SLC14A1: variants seen among roughly 807,000 people sequenced by gnomAD.
SLC14A1 encodes the protein solute carrier family 14 member 1 (Kidd blood group), also known as urea transporter 1.
Under a neutral mutation model 39.6 loss-of-function variants are expected in SLC14A1, and 36 were observed. The ratio of observed to expected loss-of-function variants is 0.91; its 90% confidence interval spans 0.70 to 1.20. The LOEUF is 1.20. SLC14A1 is among the 50% of genes most tolerant of loss of function. The pLI, the probability that SLC14A1 is intolerant of heterozygous loss-of-function variation, is 0.00. For missense variants in SLC14A1, 469 were observed against 478.7 expected (o/e 0.98, Z 0.19); for synonymous variants, 164 against 173.6 (o/e 0.94, Z 0.43).
rs1383698955 is a variant in SLC14A1, at chr18:45,733,733, C to T, written c.342-541C>T. ...AGGGAGTCATTCTCTATCAGGGGTC[C>T]CCAACCCCTGCACTGGAGACAGGTA... On this transcript the variant is annotated intron_variant, in intron 4 of 9. Transcript: ENST00000321925. Among the ~76,000 whole-genome samples, 3 of 152,252 alleles carry T rather than the reference C, an allele frequency of 2.0e-5. No homozygotes were observed. In the Middle Eastern group the frequency reaches 0.01, roughly 518 times the overall value.
At position 45,730,425 on chromosome 18, in the gene SLC14A1, T is replaced by G; in HGVS notation, c.105T>G (p.Leu35=). The G allele has an allele frequency of 6.2e-7, 1 of 1,614,198 alleles. No homozygotes were observed. ...GGAGAAGGTGCTTCCCCAAAGCTCTTGGCTATGTCACCGGTGACATGAAAG... is the reference window on the plus strand; with the variant it reads ...GGAGAAGGTGCTTCCCCAAAGCTCTGGGCTATGTCACCGGTGACATGAAAG... ...CQGRRCFPKA[L]GYVTGDMKEL... The change falls in exon 3 of 10, where the codon CTT becomes CTG. Residue 35 remains leucine, a synonymous_variant. Transcript: ENST00000321925.
At chr18:45,738,528 GAC>G (rs1788385799) in intron 6 of SLC14A1, among the ~76,000 whole-genome samples, 1 of 152,198 alleles carries the variant, frequency 6.6e-6, no homozygotes, top group Non-Finnish European at 1.5e-5. Flanking sequence ...AGACCTGCTT[GAC>G]AGTTGTTCAT....
At chr18:45,733,501 A>C (rs2047091242) in intron 4 of SLC14A1, among the ~76,000 whole-genome samples, 1 of 152,256 alleles carries the variant, frequency 6.6e-6, no homozygotes, top group Non-Finnish European at 1.5e-5. Flanking sequence ...AAGTGAATTT[A>C]CATTTCAGGA....
chr18:45,739,587 T>C lies in SLC14A1; in HGVS notation c.871T>C (p.Ser291Pro), dbSNP rs78242949. 1,322 of 1,614,138 alleles carry C rather than the reference T, an allele frequency of 8.2e-4. 14 individuals are homozygous for C. The highest frequency in any genetic ancestry group is 2.3e-5 in the Non-Finnish European group (27 of 1,180,022). ...CTTTGGACTCTGGGGTTTCAACAGC[T>C]CTCTGGCCTGCATTGCAATGGGAGG... The part of the protein sequence containing the change: ...IYFGLWGFNS[S>P]LACIAMGGMF... The change falls in exon 8 of 10, where the codon TCT becomes CCT. Residue 291 changes from serine to proline, a missense_variant. By Grantham distance (74) the Ser-to-Pro change is moderately conservative. Coordinates refer to ENST00000321925, the MANE Select transcript of SLC14A1 (RefSeq NM_015865.7).
rs1362380837 is a variant in SLC14A1 at position 45,750,991 on chromosome 18, T to C, written c.*1040T>C. The C allele has an allele frequency of 3.0e-6, 3 of 985,174 alleles. No individual in the cohort carries two copies. The highest frequency in any genetic ancestry group is 3.5e-5 in the African/African-American group (2 of 57,226). The allele number at this position is 985,174 out of a possible 1,614,324, so 61.0% of individuals were successfully genotyped here. On this transcript the variant is annotated 3_prime_UTR_variant, in exon 10 of 10. Transcript: ENST00000321925. ...TCCTTAATTTAAAAAAGCTCATTAT[T>C]TTTTGCACACTCACAATATTCTCTC...
intron 6 of SLC14A1, among the ~76,000 whole-genome samples, chr18:45,738,066 G>C (rs1255943232): frequency 1.3e-5 from 2 of 152,240 alleles, no homozygotes; most frequent in African/African-American, 4.8e-5. Context: ...GTCTAGACAT[G>C]AAGACTCAGC....
chr18:45,739,473 C>T, intron 7 of SLC14A1, 55 bp from the exon 8 acceptor site: 1 of 1,612,910 alleles, frequency 6.2e-7, no homozygotes, highest in Non-Finnish European at 8.5e-7. Flanking sequence ...CCCTCAGTTT[C>T]CTTCCAGAAC....
Position 45,736,628 on chromosome 18 carries a change from T to G in SLC14A1, c.643T>G (p.Ser215Ala). ...AACTACAGCTCCAAATATCTCCTGG[T>G]CTGACCTCAGTGCCCTGGAGGTAAG... ...PITTAPNISW[S>A]DLSALELLKS... Residue 215 changes from serine to alanine, a missense_variant, in exon 6 of 10, where the codon TCT (serine) becomes GCT (alanine). By Grantham distance (99) the Ser-to-Ala change is moderately conservative. Coordinates refer to ENST00000321925, the MANE Select transcript of SLC14A1 (RefSeq NM_015865.7). 3 of 1,614,180 alleles carry G rather than the reference T, an allele frequency of 1.9e-6. No homozygotes were observed. The highest frequency in any genetic ancestry group is 2.5e-6 in the Non-Finnish European group (3 of 1,180,012).
chr18:45,750,986 A>T lies in SLC14A1; in HGVS notation c.*1035A>T, dbSNP rs950598594. 1.7e-5 allele frequency: 17 copies of T among 985,214 alleles called. No homozygotes were observed. Among genetic ancestry groups the T allele is most frequent in the Non-Finnish European group, 2.0e-5 (17 of 829,728 alleles). The allele number at this position is 985,214 out of a possible 1,614,324, so 61.0% of individuals were successfully genotyped here. On this transcript the variant is annotated 3_prime_UTR_variant, in exon 10 of 10. Transcript: ENST00000321925. ...TGAATTCCTTAATTTAAAAAAGCTCATTATTTTTTGCACACTCACAATATT... is the reference window on the plus strand; with the variant it reads ...TGAATTCCTTAATTTAAAAAAGCTCTTTATTTTTTGCACACTCACAATATT...
At chr18:45,733,403 G>A (rs146396141) in intron 4 of SLC14A1, among the ~76,000 whole-genome samples, 48 of 152,268 alleles carry the variant, frequency 3.2e-4, no homozygotes, top group Admixed American at 5.9e-4. Context: ...TGAAATGTGC[G>A]TTTGGAGACA....
intron 2 of SLC14A1, chr18:45,729,280 G>A (rs1053081336): frequency 6.6e-6 from 1 of 152,156 alleles, no homozygotes; most frequent in African/African-American, 2.4e-5. Context: ...CACACTCAAG[G>A]TGGTTTTGCC....
At position 45,751,989 on chromosome 18, in the gene SLC14A1, A is replaced by G. The variant is rs901811932; in HGVS notation, c.*2038A>G. On this transcript the variant is annotated 3_prime_UTR_variant, in exon 10 of 10. Transcript: ENST00000321925. ...TAAACAGAAATAGGGAAGTAAACCT[A>G]CAAATATTTTAGGGAGAAGCTCACT... 14 of 985,262 alleles carry G rather than the reference A, an allele frequency of 1.4e-5. No homozygotes were observed. Among genetic ancestry groups the G allele is most frequent in the Non-Finnish European group, 1.7e-5 (14 of 829,916 alleles). 61.0% of individuals were successfully genotyped at this position (985,262 alleles called of 1,614,324 possible).
At chr18:45,735,195 G>A (rs1341337355) in intron 5 of SLC14A1, among the ~76,000 whole-genome samples, 1 of 152,202 alleles carries the variant, frequency 6.6e-6, no homozygotes, top group African/African-American at 2.4e-5. Context: ...TGACTCTAAA[G>A]TATAGCCAAA....
intron 4 of SLC14A1, among the ~76,000 whole-genome samples, chr18:45,733,569 G>T (rs914175742): frequency 6.6e-6 from 1 of 152,110 alleles, no homozygotes; most frequent in Non-Finnish European, 1.5e-5. Flanking sequence ...TGCTAAAAGC[G>T]CTCTTCAAGT....
rs768718697 is a variant in SLC14A1, at chr18:45,734,403, G to A, written c.470+1G>A. 11 of 1,610,620 alleles carry A rather than the reference G, an allele frequency of 6.8e-6. No individual in the cohort carries two copies. Among genetic ancestry groups the A allele is most frequent in the South Asian group, 1.1e-5 (1 of 90,898 alleles). On this transcript the variant is annotated splice_donor_variant, in intron 5 of 9. Coordinates refer to ENST00000321925, the MANE Select transcript of SLC14A1 (RefSeq NM_015865.7). LOFTEE classifies it high-confidence loss of function. ...CTGTATGTGCTATGTCCATGACTTG[G>A]TAAGTTACAATTGGTTTTCAAAATG...
chr18:45,751,114 C>A lies in SLC14A1; in HGVS notation c.*1163C>A. Reference sequence around the variant, plus strand: ...CAGCACTTTGGGGAGCCCAGGCGGGCAGATTGCTTGAACCCAGGAGTTCAA... The same window carrying A: ...CAGCACTTTGGGGAGCCCAGGCGGGAAGATTGCTTGAACCCAGGAGTTCAA... On this transcript the variant is annotated 3_prime_UTR_variant, in exon 10 of 10. Coordinates refer to ENST00000321925, the MANE Select transcript of SLC14A1 (RefSeq NM_015865.7). The A allele has an allele frequency of 1.2e-6, 1 of 808,148 alleles. No individual in the cohort carries two copies. The highest frequency in any genetic ancestry group is 1.5e-6 in the Non-Finnish European group (1 of 668,722). The allele number at this position is 808,148 out of a possible 1,614,324, so 50.1% of individuals were successfully genotyped here.
chr18:45,726,411 T>TA (rs2046863546), intron 2 of SLC14A1, among the ~76,000 whole-genome samples: 1 of 152,144 alleles, frequency 6.6e-6, no homozygotes, highest in African/African-American at 2.4e-5. Context: ...ATGGAAGTTT[T>TA]AAAAAGGAAA....
Position 45,736,567 on chromosome 18 carries a change from C to A in SLC14A1, c.582C>A (p.Tyr194Ter), listed in dbSNP as rs34756616. The change falls in exon 6 of 10, where the codon TAC (tyrosine) becomes TAA (stop). Residue 194 changes from tyrosine to a stop codon, truncating the protein, a stop_gained. Coordinates refer to ENST00000321925, the MANE Select transcript of SLC14A1 (RefSeq NM_015865.7). LOFTEE classifies it high-confidence loss of function. ...TGTACCTTTCAGCCACAGGACATTA[C>A]AATCCATTCTTTCCAGCCAAACTGG... ...LSMYLSATGH[Y>*]NPFFPAKLVI... 1.7e-5 allele frequency: 27 copies of A among 1,614,130 alleles called. No homozygotes were observed. The highest frequency in any genetic ancestry group is 2.2e-5 in the Non-Finnish European group (26 of 1,179,972).
At chr18:45,727,647 G>A (rs1235634309) in intron 2 of SLC14A1, among the ~76,000 whole-genome samples, 1 of 152,160 alleles carries the variant, frequency 6.6e-6, no homozygotes, top group Admixed American at 6.5e-5. Context: ...AAGTCACCTG[G>A]GGTTTTACGT....
Sources: allele counts gnomAD v4.1 joint callset (sites outside exome capture counted in the v4.1 genomes callset), GRCh38; gene constraint gnomAD v4.1.1; transcripts MANE v1.5; gene names NCBI Gene and HGNC (gene_info 2026-07-23, HGNC 2026-07-21).